Variants in HPSE2 observed in about 807,000 individuals in gnomAD.
HPSE2 encodes inactive heparanase-2.
Under a neutral mutation model 60.5 loss-of-function variants are expected in HPSE2, and 38 were observed. The observed-to-expected ratio is 0.63, with a 90% CI of 0.48 to 0.82. The LOEUF (loss-of-function observed/expected upper bound fraction) is 0.82. HPSE2 is among the 40% of genes least tolerant of loss of function. The pLI, the probability that HPSE2 is intolerant of heterozygous loss-of-function variation, is 0.00. For synonymous variants in HPSE2, 295 were observed against 293.2 expected (o/e 1.01, Z -0.06); for missense variants, 713 against 740.4 (o/e 0.96, Z 0.43).
intron 3 of HPSE2, among the ~76,000 whole-genome samples, chr10:98,918,544 T>G (rs1029799013): frequency 6.7e-6 from 1 of 149,574 alleles, no homozygotes. Flanking sequence ...ATGGATGAAA[T>G]TGGAAATCAT....
At chr10:98,900,051 C>A (rs1953621644) in intron 3 of HPSE2, among the ~76,000 whole-genome samples, 1 of 152,026 alleles carries the variant, frequency 6.6e-6, no homozygotes, top group Non-Finnish European at 1.5e-5. Flanking sequence ...CATACACTTG[C>A]CAATTGTGAT....
At chr10:98,954,049 T>C (rs1053767432) in intron 3 of HPSE2, among the ~76,000 whole-genome samples, 1 of 152,128 alleles carries the variant, frequency 6.6e-6, no homozygotes, top group Non-Finnish European at 1.5e-5. Flanking sequence ...CTCACGCCTG[T>C]AATCCCAGCA....
chr10:99,095,712 G>A (rs190363754), intron 3 of HPSE2, among the ~76,000 whole-genome samples: 11 of 152,274 alleles, frequency 7.2e-5, no homozygotes, highest in Admixed American at 7.2e-4. Flanking sequence ...GTTGTAGCAT[G>A]TATCAATATT....
At chr10:99,090,083 AG>A (rs1260979247) in intron 3 of HPSE2, among the ~76,000 whole-genome samples, 3 of 152,054 alleles carry the variant, frequency 2.0e-5, no homozygotes, top group Non-Finnish European at 4.4e-5. Context: ...ATGAGTCTTT[AG>A]GGTTTTCCAT....
chr10:99,219,011 T>C (rs1320347224), intron 2 of HPSE2, among the ~76,000 whole-genome samples: 1 of 152,178 alleles, frequency 6.6e-6, no homozygotes, highest in Non-Finnish European at 1.5e-5. Context: ...GTGATTACAT[T>C]CATTTTTTAA....
intron 3 of HPSE2, among the ~76,000 whole-genome samples, chr10:99,015,003 C>T (rs996323091): frequency 3.3e-5 from 5 of 152,090 alleles, no homozygotes; most frequent in East Asian, 1.9e-4. Flanking sequence ...AAAAAGTGGG[C>T]GAAGGATATG....
At chr10:98,555,993 T>C (rs1450597597) in intron 9 of HPSE2, among the ~76,000 whole-genome samples, 1 of 152,146 alleles carries the variant, frequency 6.6e-6, no homozygotes, top group Non-Finnish European at 1.5e-5. Flanking sequence ...GTGGAGAGTG[T>C]CTCTATAAAG....
Position 98,619,532 on chromosome 10 carries a change from G to A in HPSE2, c.1205+1070C>T, listed in dbSNP as rs147921339. On this transcript the variant is annotated intron_variant, in intron 8 of 11. Coordinates refer to ENST00000370552, the MANE Select transcript of HPSE2 (RefSeq NM_021828.5). ...CCTTCACAATCTTCAGTGGCTTGCT[G>A]TGAATATAGAACAAGGCCTCACTTC... 2.0e-3 allele frequency among the ~76,000 whole-genome samples: 304 copies of A among 152,216 alleles called. 1 individual carries two copies. Among genetic ancestry groups the A allele is most frequent in the African/African-American group, 6.8e-3 (282 of 41,512 alleles).
chr10:99,195,537 A>C (rs553073507), intron 2 of HPSE2, among the ~76,000 whole-genome samples: 21 of 152,262 alleles, frequency 1.4e-4, no homozygotes, highest in African/African-American at 5.1e-4. Flanking sequence ...TCAACATACA[A>C]AAATCAATAG....
At chr10:98,885,984 C>A (rs1424304259) in intron 3 of HPSE2, among the ~76,000 whole-genome samples, 1 of 152,032 alleles carries the variant, frequency 6.6e-6, no homozygotes, top group Non-Finnish European at 1.5e-5. Context: ...AAAACAAACA[C>A]CCTCTTAGTA....
chr10:98,946,141 C>T (rs1047032558), intron 3 of HPSE2, among the ~76,000 whole-genome samples: 10 of 151,844 alleles, frequency 6.6e-5, no homozygotes, highest in African/African-American at 1.9e-4. Context: ...TAAAATATTA[C>T]ACAAATCTAT....
At chr10:98,483,280 AT>A (rs984609773) in intron 10 of HPSE2, among the ~76,000 whole-genome samples, 1 of 152,114 alleles carries the variant, frequency 6.6e-6, no homozygotes, top group East Asian at 1.9e-4. Context: ...ATTCACAGAG[AT>A]TTTTTTCCAT....
chr10:98,680,467 T>G (rs1424573609), intron 6 of HPSE2, among the ~76,000 whole-genome samples: 2 of 152,204 alleles, frequency 1.3e-5, no homozygotes, highest in Non-Finnish European at 2.9e-5. Context: ...TTGGACTGAC[T>G]GTTTAAAGCA....
the HPSE2 span, among the ~76,000 whole-genome samples, chr10:99,294,675 T>C: frequency 1.3e-5 from 2 of 151,906 alleles, no homozygotes; most frequent in Non-Finnish European, 2.9e-5. Context: ...GACTCACACC[T>C]GTAATCTCAG....
intron 4 of HPSE2, among the ~76,000 whole-genome samples, chr10:98,725,033 G>A (rs1949034704): frequency 6.6e-6 from 1 of 152,130 alleles, no homozygotes; most frequent in South Asian, 2.1e-4. Flanking sequence ...TGGGTAGGAA[G>A]AATGAATATC....
intron 6 of HPSE2, among the ~76,000 whole-genome samples, chr10:98,685,216 G>A (rs527494288): frequency 1.4e-4 from 21 of 152,224 alleles, no homozygotes; most frequent in African/African-American, 4.6e-4. Context: ...TCCTGAACAC[G>A]TCATCAGGCA....
intron 10 of HPSE2, among the ~76,000 whole-genome samples, chr10:98,489,361 AAAG>A (rs1941557948): frequency 6.6e-6 from 1 of 152,190 alleles, no homozygotes; most frequent in South Asian, 2.1e-4. Context: ...TGTTTGTTTT[AAAG>A]ACAACTGTAA....
chr10:98,748,305 CAAAAAAT>C, intron 3 of HPSE2, among the ~76,000 whole-genome samples: 1 of 152,092 alleles, frequency 6.6e-6, no homozygotes, highest in East Asian at 1.9e-4. Flanking sequence ...AAATCCGTCT[CAAAAAAT>C]AATAATTATT....
At chr10:99,026,692 T>C (rs532654083) in intron 3 of HPSE2, among the ~76,000 whole-genome samples, 10 of 152,260 alleles carry the variant, frequency 6.6e-5, no homozygotes, top group African/African-American at 2.4e-4. Context: ...AGCACATGGA[T>C]AATTCACAAG....
Sources: allele counts gnomAD v4.1 joint callset (sites outside exome capture counted in the v4.1 genomes callset), GRCh38; gene constraint gnomAD v4.1.1; transcripts MANE v1.5; gene names NCBI Gene and HGNC (gene_info 2026-07-23, HGNC 2026-07-21).